Variants in PPP2R5A observed in about 807,000 individuals in gnomAD.
PPP2R5A encodes serine/threonine-protein phosphatase 2A 56 kDa regulatory subunit alpha isoform.
In PPP2R5A, 25 loss-of-function variants were observed where a neutral mutation model predicts 64.2. That is an observed-to-expected ratio of 0.39 (90% CI 0.28 to 0.54). The LOEUF is 0.54. Among genes scored for constraint, PPP2R5A ranks in the 20% least tolerant of loss-of-function variants. The pLI is 0.67. For synonymous variants in PPP2R5A, 198 were observed against 201.2 expected, an observed-to-expected ratio of 0.98 and a Z score of 0.13; for missense variants, 425 against 576.3, an observed-to-expected ratio of 0.74 and a Z score of 2.69.
chr1:212,320,022 C>A (rs1429496376), intron 1 of PPP2R5A, among the ~76,000 whole-genome samples: 1 of 141,848 alleles, frequency 7.0e-6, no homozygotes, highest in African/African-American at 2.7e-5. Flanking sequence ...GGTCACAGGA[C>A]AATAGTGGAG....
chr1:212,358,722 C>G lies in PPP2R5A; in HGVS notation c.1263C>G (p.Thr421=), dbSNP rs370975995. 13 of 1,613,374 alleles carry G rather than the reference C, an allele frequency of 8.1e-6. 1 individual carries two copies. In the South Asian group the frequency reaches 1.4e-4, roughly 18 times the overall value. ...CACTGGTATACAATGTGCTGAAAAC[C>G]CTAATGGAAATGAATGGCAAGCTTT... ...IVALVYNVLK[T]LMEMNGKLFD... is the part of the protein sequence containing the mutation. The change falls in exon 12 of 13, where the codon ACC becomes ACG. Residue 421 remains threonine (T), a synonymous_variant. Transcript: ENST00000261461.
At chr1:212,293,485 G>T (rs1658639354) in intron 1 of PPP2R5A, among the ~76,000 whole-genome samples, 2 of 152,184 alleles carry the variant, frequency 1.3e-5, no homozygotes, top group Admixed American at 6.5e-5. Flanking sequence ...TGCTGAAAGA[G>T]TTTTGTATGA....
At chr1:212,359,993 C>G (rs1045332096) in intron 12 of PPP2R5A, among the ~76,000 whole-genome samples, 3 of 152,092 alleles carry the variant, frequency 2.0e-5, no homozygotes, top group Non-Finnish European at 4.4e-5. Context: ...AATTATAAGC[C>G]TATGTTTTAC....
At chr1:212,292,536 A>G (rs998904129) in intron 1 of PPP2R5A, among the ~76,000 whole-genome samples, 1 of 152,122 alleles carries the variant, frequency 6.6e-6, no homozygotes, top group African/African-American at 2.4e-5. Context: ...GTTTGGTGCT[A>G]TCTACCAGAT....
chr1:212,349,066 ATTT>A (rs996403381), intron 7 of PPP2R5A, 120 bp from the exon 8 acceptor site: 2 of 516,966 alleles, frequency 3.9e-6, no homozygotes, highest in African/African-American at 3.9e-5. Context: ...TTGTGAGTAT[ATTT>A]TTATATATTG....
chr1:212,356,761 T>C, intron 9 of PPP2R5A, 85 bp downstream of exon 9: 1 of 1,458,130 alleles, frequency 6.9e-7, no homozygotes, highest in Non-Finnish European at 9.4e-7. Context: ...GGGCTGGCTG[T>C]ATTGCTGTTG....
At chr1:212,303,443 T>C (rs945696175) in intron 1 of PPP2R5A, among the ~76,000 whole-genome samples, 1 of 152,178 alleles carries the variant, frequency 6.6e-6, no homozygotes, top group African/African-American at 2.4e-5. Context: ...TTATTTGTCT[T>C]TTTATCGAGT....
intron 8 of PPP2R5A, among the ~76,000 whole-genome samples, chr1:212,354,644 G>A (rs966034200): frequency 6.6e-6 from 1 of 151,856 alleles, no homozygotes; most frequent in Non-Finnish European, 1.5e-5. Flanking sequence ...AGGAGTTCAA[G>A]GTTACAATGA....
At chr1:212,340,822 G>A (rs767428523) in intron 3 of PPP2R5A, among the ~76,000 whole-genome samples, 1 of 152,164 alleles carries the variant, frequency 6.6e-6, no homozygotes, top group Non-Finnish European at 1.5e-5. Flanking sequence ...TAGTAAAAAT[G>A]TGTTGTTACT....
chr1:212,307,296 T>A (rs990413649), intron 1 of PPP2R5A, among the ~76,000 whole-genome samples: 24 of 152,080 alleles, frequency 1.6e-4, no homozygotes, highest in Non-Finnish European at 2.5e-4. Flanking sequence ...GGGTTTATTA[T>A]ATGCATTTTA....
intron 1 of PPP2R5A, among the ~76,000 whole-genome samples, chr1:212,323,931 GTGTGGTGGTGAGTGCC>G (rs1433196458): frequency 6.6e-6 from 1 of 152,082 alleles, no homozygotes; most frequent in Non-Finnish European, 1.5e-5. Context: ...AATTAGCCGG[GTGTGGTGGTGAGTGCC>G]TGTAATCCCA....
chr1:212,287,778 C>T (rs985425452), intron 1 of PPP2R5A, among the ~76,000 whole-genome samples: 5 of 152,060 alleles, frequency 3.3e-5, no homozygotes, highest in Admixed American at 1.3e-4. Context: ...AAAATTTACA[C>T]TTATTTAAAA....
At chr1:212,326,964 T>C (rs1659417161) in intron 1 of PPP2R5A, among the ~76,000 whole-genome samples, 1 of 152,266 alleles carries the variant, frequency 6.6e-6, no homozygotes, top group Non-Finnish European at 1.5e-5. Context: ...TGACTTTGTG[T>C]GAGCATGCTT....
chr1:212,345,961 A>G, intron 5 of PPP2R5A, 28 bp downstream of exon 5: 1 of 1,544,660 alleles, frequency 6.5e-7, no homozygotes, highest in South Asian at 1.2e-5. Flanking sequence ...TGTATATTGC[A>G]CCTTTTCCTC....
rs1198599806 is a variant in PPP2R5A at position 212,360,663 on chromosome 1, G to C, written c.1354G>C (p.Glu452Gln). The C allele has an allele frequency of 1.3e-6, 2 of 1,575,774 alleles. No homozygotes were observed. The highest frequency in any genetic ancestry group is 2.4e-5 in the South Asian group (2 of 84,832). ...AGAGAAAAAGAAGGAATTGGAACGT[G>C]AAGAATTATGGAAAAAATTAGAGGA... ...QREKKKELER[E>Q]ELWKKLEELK... The change falls in exon 13 of 13, where the codon GAA (glutamate) becomes CAA (glutamine). Residue 452 changes from glutamate to glutamine, a missense_variant. Glu to Gln is a conservative substitution (Grantham distance 29). This residue lies in a region of PPP2R5A where 177 missense variants were observed against 244.8 expected (regional missense o/e 0.72). Coordinates refer to ENST00000261461, the MANE Select transcript of PPP2R5A (RefSeq NM_006243.4).
chr1:212,339,768 C>T (rs1659655204), intron 3 of PPP2R5A, among the ~76,000 whole-genome samples: 1 of 152,034 alleles, frequency 6.6e-6, no homozygotes, highest in Non-Finnish European at 1.5e-5. Flanking sequence ...ATAGGACAGG[C>T]TATTACTCTG....
At chr1:212,317,436 G>T (rs981338304) in intron 1 of PPP2R5A, among the ~76,000 whole-genome samples, 3 of 152,250 alleles carry the variant, frequency 2.0e-5, no homozygotes, top group Non-Finnish European at 4.4e-5. Flanking sequence ...TGGGCATGCT[G>T]TGTAGTGTGG....
chr1:212,348,612 TACAA>T, intron 7 of PPP2R5A, 115 bp downstream of exon 7: 1 of 793,694 alleles, frequency 1.3e-6, no homozygotes, highest in Non-Finnish European at 1.9e-6. Flanking sequence ...GCAATTTGCT[TACAA>T]AATTACCCAA....
At chr1:212,286,776 C>T (rs1037109858) in intron 1 of PPP2R5A, among the ~76,000 whole-genome samples, 12 of 152,146 alleles carry the variant, frequency 7.9e-5, no homozygotes, top group South Asian at 2.1e-4. Flanking sequence ...AACTTCACTT[C>T]CCATTGATTG....
Sources: allele counts gnomAD v4.1 joint callset (sites outside exome capture counted in the v4.1 genomes callset), GRCh38; gene constraint gnomAD v4.1.1; regional missense constraint gnomAD v4.1.1; transcripts MANE v1.5; gene names NCBI Gene and HGNC (gene_info 2026-07-23, HGNC 2026-07-21).